The following REV3L variants were observed in gnomAD, a reference collection of about 807,000 sequenced individuals.
The protein encoded by REV3L is DNA polymerase zeta catalytic subunit.
A neutral mutation model predicts 299.4 loss-of-function variants in REV3L; 69 were observed. That is an observed-to-expected ratio of 0.23 (90% CI 0.19 to 0.28). The LOEUF is 0.28. REV3L is among the 10% of genes least tolerant of loss of function. The probability of loss-of-function intolerance (pLI) is 1.00; values close to 1 mark genes in which losing one functional copy is unlikely to be tolerated. For synonymous variants in REV3L, 1,238 were observed against 1,271.4 expected, an observed-to-expected ratio of 0.97 and a Z score of 0.56; for missense variants, 3,128 against 3,693.8, an observed-to-expected ratio of 0.85 and a Z score of 3.97.
chr6:111,459,468 T>C (rs114360405), intron 1 of REV3L, among the ~76,000 whole-genome samples: 4,686 of 151,934 alleles, frequency 0.031, 222 homozygotes, highest in African/African-American at 0.11. Context: ...GAGAAACCAT[T>C]AACAGAGTAA....
chr6:111,411,461 GTTTCA>G lies in REV3L; in HGVS notation c.404+14_404+18del. On this transcript the variant is annotated intron_variant, in intron 3 of 31. Transcript: ENST00000368802. Reference sequence around the variant, plus strand: ...TTCAATGATAGTTATTCATATTTTGGTTTCATTTATCTTTGTACCTTTTCACCATT... The same window carrying G: ...TTCAATGATAGTTATTCATATTTTGGTTTATCTTTGTACCTTTTCACCATT... 1 of 1,471,098 alleles carries G rather than the reference GTTTCA, an allele frequency of 6.8e-7. No individual in the cohort carries two copies. Among genetic ancestry groups the G allele is most frequent in the Non-Finnish European group, 9.3e-7 (1 of 1,077,110 alleles). 91.1% of individuals were successfully genotyped at this position (1,471,098 alleles called of 1,614,324 possible). A position where few individuals can be genotyped will look rare whatever the true frequency, so the allele number is the denominator to read the frequency against.
intron 1 of REV3L, among the ~76,000 whole-genome samples, chr6:111,474,672 T>C (rs779067924): frequency 8.5e-5 from 13 of 152,134 alleles, no homozygotes; most frequent in Non-Finnish European, 1.5e-4. Context: ...ACTGAAAACT[T>C]TGAATTAGAA....
chr6:111,402,933 T>C lies in REV3L; in HGVS notation c.565+2537A>G, dbSNP rs73532786. Among the ~76,000 whole-genome samples the C allele has an allele frequency of 9.1e-3, 1,378 of 152,234 alleles. 16 individuals are homozygous for C. Among genetic ancestry groups the C allele is most frequent in the African/African-American group, 0.032 (1,327 of 41,550 alleles). Reference sequence around the variant, plus strand: ...GGTAGGTGTCCAAGAGAAATGAAAATATATAGCTACACAAAAATTCATAAA... The same window carrying C: ...GGTAGGTGTCCAAGAGAAATGAAAACATATAGCTACACAAAAATTCATAAA... On this transcript the variant is annotated intron_variant, in intron 4 of 31. Coordinates refer to ENST00000368802, the MANE Select transcript of REV3L (RefSeq NM_001372078.1).
chr6:111,393,219 A>G (rs2128257314), intron 4 of REV3L, among the ~76,000 whole-genome samples: 1 of 152,130 alleles, frequency 6.6e-6, no homozygotes, highest in East Asian at 1.9e-4. Context: ...ACTGGGTTTC[A>G]CCGTGTTAGC....
At chr6:111,397,320 G>C (rs766550306) in intron 4 of REV3L, among the ~76,000 whole-genome samples, 1 of 151,576 alleles carries the variant, frequency 6.6e-6, no homozygotes, top group Non-Finnish European at 1.5e-5. Context: ...CATTTTCATT[G>C]GTTTCAAGAA....
intron 1 of REV3L, among the ~76,000 whole-genome samples, chr6:111,443,683 ATGTTCATAT>A (rs143392352): frequency 6.6e-6 from 1 of 152,268 alleles, no homozygotes; most frequent in Non-Finnish European, 1.5e-5. Context: ...AATAGACAAA[ATGTTCATAT>A]TTTGCAGATG....
intron 31 of REV3L, among the ~76,000 whole-genome samples, chr6:111,300,602 G>A (rs1191461962): frequency 1.3e-5 from 2 of 152,124 alleles, no homozygotes; most frequent in Non-Finnish European, 2.9e-5. Context: ...AACATAAATT[G>A]TGAAGATTTC....
At chr6:111,377,197 T>C (rs1780401436) in intron 12 of REV3L, among the ~76,000 whole-genome samples, 1 of 152,224 alleles carries the variant, frequency 6.6e-6, no homozygotes, top group African/African-American at 2.4e-5. Flanking sequence ...AAGCAAATCA[T>C]GTATCTAATT....
At chr6:111,329,987 T>C (rs1054272542) in intron 24 of REV3L, among the ~76,000 whole-genome samples, 4 of 152,158 alleles carry the variant, frequency 2.6e-5, no homozygotes, top group African/African-American at 9.7e-5. Context: ...TTCAGAGACC[T>C]CCAGGGAGGA....
chr6:111,329,160 C>T (rs1397745840), intron 25 of REV3L, among the ~76,000 whole-genome samples: 3 of 152,104 alleles, frequency 2.0e-5, no homozygotes, highest in Non-Finnish European at 2.9e-5. Context: ...TATCCTGCCT[C>T]GGCCTCTTGA....
At chr6:111,465,651 TGAAC>T (rs1012682742) in intron 1 of REV3L, among the ~76,000 whole-genome samples, 2 of 145,046 alleles carry the variant, frequency 1.4e-5, no homozygotes, top group Non-Finnish European at 3.0e-5. Context: ...GAGAATCGCT[TGAAC>T]CAGGGAGGCG....
At chr6:111,390,052 T>C in intron 6 of REV3L, 34 bp downstream of exon 6, 1 of 1,457,232 alleles carries the variant, frequency 6.9e-7, no homozygotes, top group South Asian at 1.2e-5. Flanking sequence ...TTTTAAAAAA[T>C]AAAAACATAT....
At chr6:111,384,769 G>T (rs916939838) in intron 9 of REV3L, among the ~76,000 whole-genome samples, 1 of 152,014 alleles carries the variant, frequency 6.6e-6, no homozygotes, top group Non-Finnish European at 1.5e-5. Flanking sequence ...AATGAAATTG[G>T]TATGTCGAGT....
intron 13 of REV3L, among the ~76,000 whole-genome samples, chr6:111,371,517 A>G (rs1177878695): frequency 2.0e-5 from 3 of 150,082 alleles, no homozygotes; most frequent in South Asian, 2.1e-4. Context: ...TAGCCTCCTG[A>G]GTAGCTGGGA....
In REV3L at chr6:111,430,366, T is replaced by C. The variant is rs186169085; in HGVS notation, c.140-13894A>G. ...CATTAAACACCCAATGGATTTTAAA[T>C]GAAAGAAAAGATCAAGAACAATGAC... is the stretch of plus-strand genomic sequence containing the variant. On this transcript the variant is annotated intron_variant, in intron 1 of 31. Transcript: ENST00000368802. The C allele has an allele frequency of 2.3e-4, 293 of 1,259,582 alleles. 1 individual carries two copies. The African/African-American group carries it at 3.9e-3, about 17-fold the overall frequency. The allele number at this position is 1,259,582 out of a possible 1,614,324, so 78.0% of individuals were successfully genotyped here. A position where few individuals can be genotyped will look rare whatever the true frequency, so the allele number is the denominator to read the frequency against.
chr6:111,384,264 A>C (rs1202135625), intron 9 of REV3L, among the ~76,000 whole-genome samples: 1 of 152,202 alleles, frequency 6.6e-6, no homozygotes, highest in Non-Finnish European at 1.5e-5. Flanking sequence ...GATCATATCA[A>C]GTTATTATAC....
At chr6:111,371,843 C>T (rs1342148073) in intron 13 of REV3L, among the ~76,000 whole-genome samples, 3 of 151,974 alleles carry the variant, frequency 2.0e-5, no homozygotes, top group East Asian at 3.9e-4. Flanking sequence ...GGATTACAGG[C>T]GTGAGCCACT....
intron 1 of REV3L, among the ~76,000 whole-genome samples, chr6:111,420,584 T>A (rs1184530732): frequency 6.6e-6 from 1 of 152,162 alleles, no homozygotes; most frequent in Non-Finnish European, 1.5e-5. Context: ...AGAAATAAGA[T>A]CGTCTGTGGC....
Position 111,309,576 on chromosome 6 carries a change from G to C in REV3L, c.9042+277C>G, listed in dbSNP as rs575611146. On this transcript the variant is annotated intron_variant, in intron 30 of 31. Transcript: ENST00000368802. ...GGGTTTTTATAGGCCCAGGATTGGG[G>C]CATGGCAGGCCAAGGTGGTCTTGGA... 3 of 274,020 alleles carry C rather than the reference G, an allele frequency of 1.1e-5. No homozygotes were observed. The Admixed American group carries it at 1.6e-4, about 14-fold the overall frequency. The allele number at this position is 274,020 out of a possible 1,614,324, so 17.0% of individuals were successfully genotyped here.
Sources: allele counts gnomAD v4.1 joint callset (sites outside exome capture counted in the v4.1 genomes callset), GRCh38; gene constraint gnomAD v4.1.1; transcripts MANE v1.5; gene names NCBI Gene and HGNC (gene_info 2026-07-23, HGNC 2026-07-21).